CYLD: variants seen among roughly 807,000 people sequenced by gnomAD.
The protein encoded by CYLD is ubiquitin carboxyl-terminal hydrolase CYLD.
In CYLD, 26 loss-of-function variants were observed where a neutral mutation model predicts 104.5. The observed-to-expected ratio is 0.25, with a 90% CI of 0.18 to 0.35. CYLD has a LOEUF of 0.35. CYLD is among the 10% of genes least tolerant of loss of function. The pLI, the probability that CYLD is intolerant of heterozygous loss-of-function variation, is 1.00. For synonymous variants in CYLD, 385 were observed against 399.9 expected (o/e 0.96, Z 0.45); for missense variants, 703 against 1,136.1 (o/e 0.62, Z 5.48).
chr16:50,752,358 A>G (rs1414107496), intron 4 of CYLD, among the ~76,000 whole-genome samples: 1 of 152,056 alleles, frequency 6.6e-6, no homozygotes, highest in Admixed American at 6.5e-5. Flanking sequence ...TTTTTGTGAT[A>G]TTCTACACAA....
Position 50,794,374 on chromosome 16 carries a change from T to C in CYLD, c.2632T>C (p.Tyr878His). 6.2e-7 allele frequency: 1 copy of C among 1,614,110 alleles called. No homozygotes were observed. Among genetic ancestry groups the C allele is most frequent in the Non-Finnish European group, 8.5e-7 (1 of 1,180,012 alleles). ...ETSHYVAFVK[Y>H]GKDDSAWLFF... ...AAGCCACTATGTTGCTTTTGTGAAG[T>C]ATGGGAAGGACGATTCTGCCTGGCT... The change falls in exon 18 of 19, where the codon TAT becomes CAT. Residue 878 changes from tyrosine to histidine, a missense_variant. Tyr to His is a moderately conservative substitution (Grantham distance 83, BLOSUM62 2). Coordinates refer to ENST00000427738, the MANE Select transcript of CYLD (RefSeq NM_001378743.1). This position sits in a 1 kb window ranked among gnomAD's most constrained non-coding sequence, Gnocchi z 4.1.
At chr16:50,790,480 C>T (rs540962576) in intron 14 of CYLD, among the ~76,000 whole-genome samples, 2 of 151,332 alleles carry the variant, frequency 1.3e-5, no homozygotes, top group Non-Finnish European at 3.0e-5. Context: ...TGTTAATTTT[C>T]TATGCTTTTT....
Position 50,797,830 on chromosome 16 carries a change from G to A in CYLD, c.*1322G>A, listed in dbSNP as rs1175554220. The stretch of plus-strand genomic sequence containing the variant: ...CAAACCCTGCAATTACTTTTTTAAA[G>A]GCACTTTTACTCTTTGGTTTTATCA... On this transcript the variant is annotated 3_prime_UTR_variant, in exon 19 of 19. Coordinates refer to ENST00000427738, the MANE Select transcript of CYLD (RefSeq NM_001378743.1). The A allele has an allele frequency of 1.3e-5, 3 of 232,442 alleles. No homozygotes were observed. The Admixed American group carries it at 1.7e-4, about 13-fold the overall frequency. 14.4% of individuals were successfully genotyped at this position (232,442 alleles called of 1,614,324 possible).
In CYLD at chr16:50,794,540, G is replaced by T. The variant is rs1032831965; in HGVS notation, c.2686+112G>T. 1.2e-5 allele frequency: 12 copies of T among 1,035,210 alleles called. No homozygotes were observed. The highest frequency in any genetic ancestry group is 1.5e-5 in the Non-Finnish European group (10 of 664,040). 64.1% of individuals were successfully genotyped at this position (1,035,210 alleles called of 1,614,324 possible). A position where few individuals can be genotyped will look rare whatever the true frequency, so the allele number is the denominator to read the frequency against. On this transcript the variant is annotated intron_variant, in intron 18 of 18. Transcript: ENST00000427738. The surrounding 1 kb of genome is among the most constrained non-coding windows in gnomAD (Gnocchi z 4.1). ...ATATTTTCTGAGAAAATCCTTTCAGGATTATTCTGGTGACAACAGTCTTAT... is the reference window on the plus strand; with the variant it reads ...ATATTTTCTGAGAAAATCCTTTCAGTATTATTCTGGTGACAACAGTCTTAT...
rs181056407 is a variant in CYLD, at chr16:50,799,123, A to G, written c.*2615A>G. On this transcript the variant is annotated 3_prime_UTR_variant, in exon 19 of 19. Coordinates refer to ENST00000427738, the MANE Select transcript of CYLD (RefSeq NM_001378743.1). The stretch of plus-strand genomic sequence containing the variant: ...AATTTTCAGCCTTAAGTTTTCTTTA[A>G]TATTTTCCTGTTGGCTATTTAAAGG... 3.9e-4 allele frequency: 92 copies of G among 233,382 alleles called. No homozygotes were observed. The highest frequency in any genetic ancestry group is 1.3e-3 in the Middle Eastern group (1 of 786). The allele number at this position is 233,382 out of a possible 1,614,324, so 14.5% of individuals were successfully genotyped here. A position where few individuals can be genotyped will look rare whatever the true frequency, so the allele number is the denominator to read the frequency against.
At chr16:50,790,587 G>C (rs543177021) in intron 14 of CYLD, among the ~76,000 whole-genome samples, 1 of 151,886 alleles carries the variant, frequency 6.6e-6, no homozygotes, top group Admixed American at 6.6e-5. Context: ...ATTATCATCT[G>C]TTTGTATTTG....
chr16:50,778,686 A>T (rs1969919350), intron 8 of CYLD, among the ~76,000 whole-genome samples: 1 of 152,170 alleles, frequency 6.6e-6, no homozygotes, highest in African/African-American at 2.4e-5. Flanking sequence ...TTTGCCAGGG[A>T]CTAGAACACA....
chr16:50,765,439 T>A (rs1036210913), intron 5 of CYLD, among the ~76,000 whole-genome samples: 2 of 152,204 alleles, frequency 1.3e-5, no homozygotes, highest in African/African-American at 4.8e-5. Flanking sequence ...GGCCTCTGTC[T>A]CTCTCACTCC....
At chr16:50,788,246 T>G (rs16948819) in intron 14 of CYLD, among the ~76,000 whole-genome samples, 4,443 of 152,296 alleles carry the variant, frequency 0.029, 216 homozygotes, top group African/African-American at 0.1. Context: ...AATTTAGTCT[T>G]AAATTAGCTT....
chr16:50,772,681 G>A (rs1345881797), intron 5 of CYLD, among the ~76,000 whole-genome samples: 1 of 152,156 alleles, frequency 6.6e-6, no homozygotes, highest in Admixed American at 6.5e-5. Context: ...GTATCAGTTA[G>A]CATGTGTGCC....
chr16:50,789,915 T>C (rs1468925977), intron 14 of CYLD, among the ~76,000 whole-genome samples: 1 of 152,130 alleles, frequency 6.6e-6, no homozygotes, highest in Non-Finnish European at 1.5e-5. Context: ...ATTGATGCAG[T>C]GTGCACAGCT....
chr16:50,749,969 G>C lies in CYLD; in HGVS notation c.271G>C (p.Glu91Gln). ...CTTTGTTGATGAAAAGGATGTTGTA[G>C]AGATAAATGAAAAGTTCACAGAGTT... ...VLFVDEKDVV[E>Q]INEKFTELLL... Residue 91 changes from glutamate to glutamine, a missense_variant, in exon 3 of 19, where the codon GAG (glutamate) becomes CAG (glutamine). Glu to Gln is a conservative substitution (Grantham distance 29). Transcript: ENST00000427738. 6.2e-7 allele frequency: 1 copy of C among 1,614,134 alleles called. No individual in the cohort carries two copies. The highest frequency in any genetic ancestry group is 8.5e-7 in the Non-Finnish European group (1 of 1,180,008).
chr16:50,798,918 G>A lies in CYLD; in HGVS notation c.*2410G>A, dbSNP rs540834237. 7 of 233,372 alleles carry A rather than the reference G, an allele frequency of 3.0e-5. No individual in the cohort carries two copies. The highest frequency in any genetic ancestry group is 4.2e-5 in the Non-Finnish European group (5 of 118,066). The allele number at this position is 233,372 out of a possible 1,614,324, so 14.5% of individuals were successfully genotyped here. On this transcript the variant is annotated 3_prime_UTR_variant, in exon 19 of 19. Transcript: ENST00000427738. ...CTCTGGTGGTTCCTGGGGAGGCTGC[G>A]TCCTTCCCTGCTTCTGCATGTCATG...
At chr16:50,781,550 G>T (rs1039103637) in intron 10 of CYLD, 139 bp downstream of exon 10, 1 of 1,093,884 alleles carries the variant, frequency 9.1e-7, no homozygotes, top group African/African-American at 1.6e-5. Context: ...CAGTAAAAAT[G>T]TTGCATGGTG....
intron 5 of CYLD, among the ~76,000 whole-genome samples, chr16:50,755,757 A>C (rs151338312): frequency 0.014 from 2,188 of 151,930 alleles, 42 homozygotes; most frequent in African/African-American, 0.05. Flanking sequence ...GATTTGTTTG[A>C]GTTCTTTGTA....
rs1402334381 is a variant in CYLD, at chr16:50,801,619, G to T, written c.*5111G>T. 8.6e-6 allele frequency: 2 copies of T among 233,458 alleles called. No individual in the cohort carries two copies. The highest frequency in any genetic ancestry group is 1.2e-4 in the East Asian group (2 of 16,674). The allele number at this position is 233,458 out of a possible 1,614,324, so 14.5% of individuals were successfully genotyped here. A position where few individuals can be genotyped will look rare whatever the true frequency, so the allele number is the denominator to read the frequency against. Reference sequence around the variant, plus strand: ...ATCAGATCATAAACATTCATTAAAAGAACTCACATCCCATCTGAAACTTCC... The same window carrying T: ...ATCAGATCATAAACATTCATTAAAATAACTCACATCCCATCTGAAACTTCC... On this transcript the variant is annotated 3_prime_UTR_variant, in exon 19 of 19. Transcript: ENST00000427738.
At chr16:50,788,406 T>G (rs1285973214) in intron 14 of CYLD, among the ~76,000 whole-genome samples, 4 of 152,220 alleles carry the variant, frequency 2.6e-5, no homozygotes, top group Non-Finnish European at 5.9e-5. Context: ...ACAATGGACC[T>G]TTTTACATTT....
At chr16:50,775,038 T>A in intron 5 of CYLD, 128 bp from the exon 6 acceptor site, 1 of 735,648 alleles carries the variant, frequency 1.4e-6, no homozygotes, top group Non-Finnish European at 2.3e-6. Flanking sequence ...TACATATAAT[T>A]CATTTAGTAA....
chr16:50,783,028 G>A (rs3785141), intron 11 of CYLD, among the ~76,000 whole-genome samples: 5,874 of 148,596 alleles, frequency 0.04, 338 homozygotes, highest in African/African-American at 0.13. Flanking sequence ...AGGTTCAAGC[G>A]ATTCTCTTGA....
Sources: gnomAD v4.1 joint callset for allele counts (sites outside exome capture counted in the v4.1 genomes callset) on GRCh38, gnomAD v4.1.1 for gene constraint, Gnocchi (gnomAD v3.1) non-coding constraint, MANE v1.5 for transcripts, NCBI Gene and HGNC (gene_info 2026-07-23, HGNC 2026-07-21) for gene names.